RPH3AL: variants seen among roughly 807,000 people sequenced by gnomAD.
RPH3AL encodes the protein rab effector Noc2.
A neutral mutation model predicts 43.1 loss-of-function variants in RPH3AL; 38 were observed. That is an observed-to-expected ratio of 0.88 (90% CI 0.68 to 1.15). The LOEUF (loss-of-function observed/expected upper bound fraction) is 1.15. Among genes scored for constraint, RPH3AL ranks in the 50% most tolerant of loss-of-function variants. RPH3AL has a pLI of 0.00. For missense variants in RPH3AL, 462 were observed against 423.2 expected (o/e 1.09, Z -0.81); for synonymous variants, 189 against 176.3 (o/e 1.07, Z -0.57).
chr17:249,040 C>T (rs574581594), intron 6 of RPH3AL, among the ~76,000 whole-genome samples: 9 of 152,230 alleles, frequency 5.9e-5, no homozygotes, highest in Non-Finnish European at 7.4e-5. Context: ...CAGAAAGGAC[C>T]GCCTCTTGGA....
Position 213,784 on chromosome 17 carries a change from C to T in RPH3AL, c.*68G>A. 2 of 1,320,164 alleles carry T rather than the reference C, an allele frequency of 1.5e-6. No individual in the cohort carries two copies. Among genetic ancestry groups the T allele is most frequent in the Non-Finnish European group, 2.2e-6 (2 of 924,824 alleles). The allele number at this position is 1,320,164 out of a possible 1,614,324, so 81.8% of individuals were successfully genotyped here. On this transcript the variant is annotated 3_prime_UTR_variant, in exon 10 of 10. Coordinates refer to ENST00000331302, the MANE Select transcript of RPH3AL (RefSeq NM_006987.4). ...GTCTGGTGAGGGCACAAGGACCGGT[C>T]AGGGAGGAGCCGGGCAGGGTCTGGC...
At chr17:345,677 C>A in intron 1 of RPH3AL, among the ~76,000 whole-genome samples, 4 of 88,482 alleles carry the variant, frequency 4.5e-5, no homozygotes, top group East Asian at 8.8e-4. Flanking sequence ...TCCCCATCTG[C>A]GCGCACACCC....
intron 1 of RPH3AL, among the ~76,000 whole-genome samples, chr17:347,102 CA>C (rs2045251538): frequency 7.5e-6 from 1 of 133,780 alleles, no homozygotes; most frequent in African/African-American, 2.6e-5. Context: ...ACTAAAAATA[CA>C]AAAAATTAGC....
chr17:217,757 C>G (rs879721128), intron 8 of RPH3AL, among the ~76,000 whole-genome samples: 74 of 55,604 alleles, frequency 1.3e-3, no homozygotes, highest in Admixed American at 1.3e-3. Context: ...ATTATGGAGC[C>G]CTTTCTTCTT....
At chr17:331,845 C>A in intron 2 of RPH3AL, 1 of 1,289,234 alleles carries the variant, frequency 7.8e-7, no homozygotes. Context: ...GCATTAAACA[C>A]AGACTGCGCC....
Position 273,023 on chromosome 17 carries a change from A to T in RPH3AL, c.438+8745T>A, listed in dbSNP as rs1176119286. ...GACCCCAGCGAGGGCGACATCAGGA[A>T]GAGACCCCAGCGAGGGCGACGTCAG... On this transcript the variant is annotated intron_variant, in intron 6 of 9. Coordinates refer to ENST00000331302, the MANE Select transcript of RPH3AL (RefSeq NM_006987.4). 8.4e-3 allele frequency among the ~76,000 whole-genome samples: 698 copies of T among 83,372 alleles called. 6 individuals carry two copies. Among genetic ancestry groups the T allele is most frequent in the African/African-American group, 0.023 (607 of 26,946 alleles). The allele number at this position is 83,372 out of a possible 152,430, so 54.7% of individuals were successfully genotyped here.
chr17:283,743 C>T lies in RPH3AL; in HGVS notation c.352-1889G>A, dbSNP rs2042839203. Among the ~76,000 whole-genome samples, 2 of 152,192 alleles carry T rather than the reference C, an allele frequency of 1.3e-5. No homozygotes were observed. The highest frequency in any genetic ancestry group is 2.9e-5 in the Non-Finnish European group (2 of 68,024). ...TTGCTAGGCTGGGCTTCAGCCCTTC[C>T]AAGGACCAGTAGCCTGTCTCCCTGG... is the stretch of plus-strand genomic sequence containing the variant. On this transcript the variant is annotated intron_variant, in intron 5 of 9. Transcript: ENST00000331302. This position sits in a 1 kb window ranked among gnomAD's most constrained non-coding sequence, Gnocchi z 4.2.
At chr17:271,880 T>C (rs1346413633) in intron 6 of RPH3AL, among the ~76,000 whole-genome samples, 1 of 152,096 alleles carries the variant, frequency 6.6e-6, no homozygotes, top group Non-Finnish European at 1.5e-5. Context: ...GTATCCAGAA[T>C]CTACAAAGAA....
chr17:329,533 C>T (rs1019768978), intron 2 of RPH3AL, among the ~76,000 whole-genome samples: 2 of 152,136 alleles, frequency 1.3e-5, no homozygotes, highest in African/African-American at 2.4e-5. Context: ...TGGGCTATGA[C>T]CATTGCTAGT....
rs149657164 is a variant in RPH3AL at position 328,672 on chromosome 17, T to G, written c.-36-1093A>C. Reference sequence around the variant, plus strand: ...ACGAAAATATCCATCAACTGATGAATGAGGAAAATGTGCTATATCCATACG... The same window carrying G: ...ACGAAAATATCCATCAACTGATGAAGGAGGAAAATGTGCTATATCCATACG... On this transcript the variant is annotated intron_variant, in intron 2 of 9. Coordinates refer to ENST00000331302, the MANE Select transcript of RPH3AL (RefSeq NM_006987.4). The surrounding 1 kb of genome is among the most constrained non-coding windows in gnomAD (Gnocchi z 4.2). 6.9e-3 allele frequency among the ~76,000 whole-genome samples: 1,047 copies of G among 152,296 alleles called. 11 individuals are homozygous for G. Among genetic ancestry groups the G allele is most frequent in the Middle Eastern group, 0.034 (10 of 294 alleles).
At chr17:315,872 A>G (rs1598103116) in intron 5 of RPH3AL, among the ~76,000 whole-genome samples, 1 of 128,184 alleles carries the variant, frequency 7.8e-6, no homozygotes. Flanking sequence ...CTGTGCCCCC[A>G]CCTCCATTGA....
intron 5 of RPH3AL, among the ~76,000 whole-genome samples, chr17:284,474 G>A (rs910889660): frequency 1.3e-5 from 2 of 152,160 alleles, no homozygotes; most frequent in African/African-American, 4.8e-5. Context: ...GGCAGAGAAG[G>A]TGCCAGGGGC....
At chr17:285,055 G>GT (rs1159324970) in intron 5 of RPH3AL, among the ~76,000 whole-genome samples, 2 of 152,184 alleles carry the variant, frequency 1.3e-5, no homozygotes, top group African/African-American at 4.8e-5. Flanking sequence ...TTCAACGTAG[G>GT]TATTTTGGGG....
rs774147466 is a variant in RPH3AL, at chr17:331,786, T to G, written c.-37+1973A>C. The G allele has an allele frequency of 9.3e-6, 12 of 1,289,052 alleles. No individual in the cohort carries two copies. In the East Asian group the frequency reaches 6.1e-4, roughly 66 times the overall value. The allele number at this position is 1,289,052 out of a possible 1,614,324, so 79.9% of individuals were successfully genotyped here. On this transcript the variant is annotated intron_variant, in intron 2 of 9. Coordinates refer to ENST00000331302, the MANE Select transcript of RPH3AL (RefSeq NM_006987.4). ...GCTCAGAGGGCAGAAAGTCTGACCC[T>G]TCTCTCTTAAAAGCAGGGTCCTGAA... is the stretch of plus-strand genomic sequence containing the variant.
At chr17:301,141 T>C (rs186207451) in intron 5 of RPH3AL, among the ~76,000 whole-genome samples, 251 of 152,378 alleles carry the variant, frequency 1.6e-3, no homozygotes, top group African/African-American at 5.7e-3. Context: ...TGCTCCGCCA[T>C]AGGGGCTGCA....
chr17:217,285 A>G (rs866334416), intron 8 of RPH3AL, among the ~76,000 whole-genome samples: 23 of 122,316 alleles, frequency 1.9e-4, no homozygotes, highest in Non-Finnish European at 3.3e-4. Context: ...GGCCTCGCTG[A>G]AATCAGGACC....
Position 216,221 on chromosome 17 carries a change from C to T in RPH3AL, c.728-419G>A, listed in dbSNP as rs979186447. Among the ~76,000 whole-genome samples the T allele has an allele frequency of 4.7e-5, 7 of 148,888 alleles. 1 individual carries two copies. The highest frequency in any genetic ancestry group is 4.7e-4 in the Admixed American group (7 of 14,972). On this transcript the variant is annotated intron_variant, in intron 8 of 9. Transcript: ENST00000331302. ...CTCTGGCCTGACCCCACCCACATGG[C>T]TGCCGGGCTCTGGCCTGACCTCACC... is the stretch of plus-strand genomic sequence containing the variant.
At chr17:305,809 G>T in intron 5 of RPH3AL, among the ~76,000 whole-genome samples, 1 of 151,784 alleles carries the variant, frequency 6.6e-6, no homozygotes, top group Non-Finnish European at 1.5e-5. Context: ...CCGCCTCTGA[G>T]CTGCCAGCCT....
chr17:235,589 C>T (rs2041358712), intron 7 of RPH3AL, among the ~76,000 whole-genome samples: 2 of 144,870 alleles, frequency 1.4e-5, no homozygotes, highest in South Asian at 2.2e-4. Flanking sequence ...TCCACACTAA[C>T]AAGACGGATC....
Sources: gnomAD v4.1 joint callset for allele counts (sites outside exome capture counted in the v4.1 genomes callset) on GRCh38, gnomAD v4.1.1 for gene constraint, Gnocchi (gnomAD v3.1) non-coding constraint, MANE v1.5 for transcripts, NCBI Gene and HGNC (gene_info 2026-07-23, HGNC 2026-07-21) for gene names.